ENOX2: variants seen among roughly 807,000 people sequenced by gnomAD.
The protein encoded by ENOX2 is ecto-NOX disulfide-thiol exchanger 2.
ENOX2 carries 36 observed loss-of-function variants against 45.0 expected under a neutral mutation model. The ratio of observed to expected loss-of-function variants is 0.80; its 90% CI spans 0.61 to 1.06. The LOEUF is 1.06. Among genes scored for constraint, ENOX2 ranks in the 50% least tolerant of loss-of-function variants. The pLI is 0.00. For missense variants in ENOX2, 423 were observed against 462.5 expected (o/e 0.91, Z 0.78); for synonymous variants, 174 against 152.3 (o/e 1.14, Z -1.05).
intron 3 of ENOX2, among the ~76,000 whole-genome samples, chrX:130,732,698 T>TCA (rs201498808): frequency 0.14 from 14,396 of 99,558 alleles, 984 homozygotes; most frequent in East Asian, 0.33. Context: ...ATAAATCCAT[T>TCA]CACACACACA....
rs2035497896 is a variant in ENOX2 at position 130,624,677 on chromosome X, G to C, written c.*637C>G. 1 of 112,786 alleles carries C rather than the reference G, an allele frequency of 8.9e-6. No homozygotes were observed. The highest frequency in any genetic ancestry group is 3.2e-5 in the African/African-American group (1 of 31,048). 9.3% of individuals were successfully genotyped at this position (112,786 alleles called of 1,213,427 possible). A position where few individuals can be genotyped will look rare whatever the true frequency, so the allele number is the denominator to read the frequency against. On this transcript the variant is annotated 3_prime_UTR_variant, in exon 15 of 15. Coordinates refer to ENST00000394363, the MANE Select transcript of ENOX2 (RefSeq NM_006375.4). ...ATGTACTTTTTACAATTCTGAAACA[G>C]ATCTTTAATGTGATATGTTAGAGAA... is the stretch of plus-strand genomic sequence containing the variant.
intron 14 of ENOX2, 25 bp from the exon 15 acceptor site, chrX:130,625,470 AT>A (rs746478175): frequency 8.4e-7 from 1 of 1,192,823 alleles, no homozygotes; most frequent in South Asian, 1.8e-5. Context: ...GAACATCTCC[AT>A]TCAAAACCAG....
At chrX:130,666,666 CA>C (rs2036841358) in intron 8 of ENOX2, among the ~76,000 whole-genome samples, 1 of 111,659 alleles carries the variant, frequency 9.0e-6, no homozygotes, top group Non-Finnish European at 1.9e-5. Context: ...GTCCTGAAGA[CA>C]TGTGCTTTTG....
rs6637775 is a variant in ENOX2, at chrX:130,832,442, C to T, written c.-182-48752G>A. Among the ~76,000 whole-genome samples, 27 of 82,989 alleles carry T rather than the reference C, an allele frequency of 3.3e-4. No individual in the cohort carries two copies. In the East Asian group the frequency reaches 3.7e-3, roughly 11 times the overall value. The allele number at this position is 82,989 out of a possible 115,157, so 72.1% of individuals were successfully genotyped here. On this transcript the variant is annotated intron_variant, in intron 2 of 14. Transcript: ENST00000394363. ...TTACACACACACACACACACACATACACACACACACACACACACACACACA... is the reference window on the plus strand; with the variant it reads ...TTACACACACACACACACACACATATACACACACACACACACACACACACA...
intron 3 of ENOX2, among the ~76,000 whole-genome samples, chrX:130,781,602 T>C (rs978980635): frequency 8.9e-6 from 1 of 112,079 alleles, no homozygotes; most frequent in African/African-American, 3.2e-5. Context: ...TTAACATCAC[T>C]TAACATGAAT....
intron 12 of ENOX2, among the ~76,000 whole-genome samples, chrX:130,634,602 T>G (rs746379749): frequency 8.9e-6 from 1 of 112,191 alleles, no homozygotes; most frequent in Non-Finnish European, 1.9e-5. Flanking sequence ...GCACTTGTGT[T>G]TCTTCCTTTA....
At chrX:130,662,668 A>T (rs1161827494) in intron 9 of ENOX2, among the ~76,000 whole-genome samples, 2 of 111,373 alleles carry the variant, frequency 1.8e-5, no homozygotes, top group African/African-American at 6.6e-5. Context: ...ATCAAGTAAA[A>T]GTTTGCAGAG....
intron 9 of ENOX2, among the ~76,000 whole-genome samples, chrX:130,659,265 A>T (rs2036622494): frequency 8.9e-6 from 1 of 112,431 alleles, no homozygotes; most frequent in Non-Finnish European, 1.9e-5. Context: ...CAGGAAAAAT[A>T]ATGATTTCTA....
chrX:130,902,635 T>C (rs994949443), intron 1 of ENOX2, among the ~76,000 whole-genome samples: 1 of 107,855 alleles, frequency 9.3e-6, no homozygotes, highest in African/African-American at 3.4e-5. Context: ...AAACCTGAAA[T>C]ACAAATTGAG....
intron 4 of ENOX2, among the ~76,000 whole-genome samples, chrX:130,691,296 T>C (rs1454041029): frequency 9.0e-6 from 1 of 111,657 alleles, no homozygotes; most frequent in Non-Finnish European, 1.9e-5. Flanking sequence ...GCGTGAGAGA[T>C]AGTACTGATA....
intron 2 of ENOX2, among the ~76,000 whole-genome samples, chrX:130,800,872 A>G (rs143710868): frequency 0.01 from 1,168 of 112,537 alleles, 3 homozygotes; most frequent in Middle Eastern, 0.023. Context: ...GGGTCTATCA[A>G]TGAAACAACT....
intron 2 of ENOX2, among the ~76,000 whole-genome samples, chrX:130,885,884 G>A (rs764993700): frequency 2.7e-5 from 3 of 112,094 alleles, no homozygotes; most frequent in South Asian, 3.7e-4. Flanking sequence ...GGTTTTAACC[G>A]TAAGAAAAAA....
At chrX:130,860,779 C>G (rs2078396177) in intron 2 of ENOX2, among the ~76,000 whole-genome samples, 1 of 111,699 alleles carries the variant, frequency 9.0e-6, no homozygotes, top group African/African-American at 3.3e-5. Flanking sequence ...TGCTCATACA[C>G]CTGTAATCTC....
At chrX:130,729,098 A>T (rs1306709156) in intron 3 of ENOX2, among the ~76,000 whole-genome samples, 1 of 111,399 alleles carries the variant, frequency 9.0e-6, no homozygotes, top group African/African-American at 3.3e-5. Flanking sequence ...CCTTCAAATG[A>T]CTACCATCTT....
intron 2 of ENOX2, among the ~76,000 whole-genome samples, chrX:130,894,641 C>T (rs1435977845): frequency 3.6e-5 from 4 of 110,696 alleles, no homozygotes; most frequent in African/African-American, 1.3e-4. Context: ...GTCCAACCTC[C>T]AGTGCAATCA....
At chrX:130,660,981 T>A in intron 9 of ENOX2, among the ~76,000 whole-genome samples, 1 of 112,008 alleles carries the variant, frequency 8.9e-6, no homozygotes, top group African/African-American at 3.2e-5. Flanking sequence ...GGAAAATACA[T>A]GAAAAGAACC....
intron 6 of ENOX2, among the ~76,000 whole-genome samples, chrX:130,675,098 T>C (rs1168569309): frequency 1.8e-5 from 2 of 108,652 alleles, no homozygotes; most frequent in Admixed American, 2.0e-4. Flanking sequence ...TATGTCTTTA[T>C]AGCAGCATGA....
chrX:130,855,842 C>A (rs2078297847), intron 2 of ENOX2, among the ~76,000 whole-genome samples: 1 of 111,671 alleles, frequency 9.0e-6, no homozygotes, highest in African/African-American at 3.2e-5. Context: ...AACTCATATA[C>A]CTAGATTATA....
Position 130,719,132 on chromosome X carries a change from G to C in ENOX2, c.-38-15878C>G, listed in dbSNP as rs1199627971. Among the ~76,000 whole-genome samples, 2 of 111,550 alleles carry C rather than the reference G, an allele frequency of 1.8e-5. 1 individual carries two copies. The highest frequency in any genetic ancestry group is 1.9e-4 in the Admixed American group (2 of 10,505). On this transcript the variant is annotated intron_variant, in intron 3 of 14. Coordinates refer to ENST00000394363, the MANE Select transcript of ENOX2 (RefSeq NM_006375.4). ...TCCTTGAAGATCTATGAGAATGAGA[G>C]TAAGCAGTGGACAGCCACGTTTCCA... is the stretch of plus-strand genomic sequence containing the variant.
Sources: allele counts gnomAD v4.1 joint callset (sites outside exome capture counted in the v4.1 genomes callset), GRCh38; gene constraint gnomAD v4.1.1; transcripts MANE v1.5; gene names NCBI Gene and HGNC (gene_info 2026-07-23, HGNC 2026-07-21).